The following SCRG1 variants were observed in gnomAD, a reference collection of about 807,000 sequenced individuals.
SCRG1 encodes the protein scrapie-responsive protein 1.
In SCRG1, 3 loss-of-function variants were observed where a neutral mutation model predicts 7.7. That is an observed-to-expected ratio of 0.39 (90% confidence interval 0.18 to 1.01). The LOEUF (loss-of-function observed/expected upper bound fraction) is 1.01. SCRG1 is among the 50% of genes least tolerant of loss of function. The probability of loss-of-function intolerance (pLI) is 0.36; values close to 1 mark genes in which losing one functional copy is unlikely to be tolerated. For synonymous variants in SCRG1, 46 were observed against 41.2 expected (o/e 1.12, Z -0.44); for missense variants, 110 against 117.2 (o/e 0.94, Z 0.28).
chr4:173,473,046 A>G, the SCRG1 span, among the ~76,000 whole-genome samples: 1 of 152,268 alleles, frequency 6.6e-6, no homozygotes, highest in Non-Finnish European at 1.5e-5. Context: ...TAGCCATTGC[A>G]ACATTATCTT....
chr4:173,447,531 G>A, the SCRG1 span, among the ~76,000 whole-genome samples: 3 of 152,290 alleles, frequency 2.0e-5, no homozygotes, highest in East Asian at 1.9e-4. Flanking sequence ...AAACAGGAAC[G>A]CAAAATTCAC....
chr4:173,427,184 C>T, the SCRG1 span, among the ~76,000 whole-genome samples: 1 of 152,184 alleles, frequency 6.6e-6, no homozygotes, highest in African/African-American at 2.4e-5. Flanking sequence ...AGCTGGGCTT[C>T]ACATGTTGAT....
chr4:173,478,741 G>T, the SCRG1 span, among the ~76,000 whole-genome samples: 9 of 152,182 alleles, frequency 5.9e-5, no homozygotes, highest in Non-Finnish European at 1.3e-4. Context: ...TACATTTCAA[G>T]ACCAATATTC....
the SCRG1 span, among the ~76,000 whole-genome samples, chr4:173,446,241 T>C: frequency 6.6e-6 from 1 of 152,176 alleles, no homozygotes; most frequent in African/African-American, 2.4e-5. Flanking sequence ...GTCAAAACCA[T>C]TTTTGTAATA....
chr4:173,514,862 A>G, the SCRG1 span, among the ~76,000 whole-genome samples: 8 of 152,212 alleles, frequency 5.3e-5, no homozygotes, highest in Non-Finnish European at 1.0e-4. Flanking sequence ...GCAAAATAAG[A>G]GACTTAACTG....
chr4:173,402,377 T>C (rs371866138), upstream of SCRG1, among the ~76,000 whole-genome samples: 4 of 152,160 alleles, frequency 2.6e-5, no homozygotes, highest in South Asian at 8.3e-4. Context: ...TAGAGAAACA[T>C]TTTATACAGA....
At chr4:173,483,424 G>GATATATATTATATATTATATCATC in the SCRG1 span, among the ~76,000 whole-genome samples, 2 of 41,120 alleles carry the variant, frequency 4.9e-5, no homozygotes, top group South Asian at 1.5e-3. Flanking sequence ...ATTATATCAT[G>GATATATATTATATATTATATCATC]ATATAGTATA....
At chr4:173,483,272 TATATAATATATG>T in the SCRG1 span, among the ~76,000 whole-genome samples, 1,112 of 30,060 alleles carry the variant, frequency 0.037, 52 homozygotes, top group African/African-American at 0.066. Context: ...TCATATATGA[TATATAATATATG>T]ATATATCATA....
chr4:173,412,939 A>T, the SCRG1 span, among the ~76,000 whole-genome samples: 8 of 152,156 alleles, frequency 5.3e-5, no homozygotes, highest in African/African-American at 1.9e-4. Flanking sequence ...GGAAATACTC[A>T]ATTTCCCCCA....
At chr4:173,391,056 T>C in intron 2 of SCRG1, 117 bp downstream of exon 2, 1 of 1,025,234 alleles carries the variant, frequency 9.8e-7, no homozygotes. Context: ...GAGCTGGGAT[T>C]GGAACAGGAT....
chr4:173,448,666 A>C, the SCRG1 span, among the ~76,000 whole-genome samples: 1 of 152,204 alleles, frequency 6.6e-6, no homozygotes, highest in African/African-American at 2.4e-5. Flanking sequence ...TGATGATGTC[A>C]TCCATGTCCT....
chr4:173,508,905 C>G, the SCRG1 span, among the ~76,000 whole-genome samples: 1 of 152,220 alleles, frequency 6.6e-6, no homozygotes, highest in Non-Finnish European at 1.5e-5. The surrounding 1 kb of genome is among the most constrained non-coding windows in gnomAD (Gnocchi z 4.4). Flanking sequence ...GTTTAGAAAG[C>G]TTGTCCCTGC....
At chr4:173,416,905 CACCCAA>C in the SCRG1 span, among the ~76,000 whole-genome samples, 52 of 114,922 alleles carry the variant, frequency 4.5e-4, no homozygotes, top group Non-Finnish European at 7.8e-4. Flanking sequence ...ATCACACACA[CACCCAA>C]ACACACACAC....
the SCRG1 span, among the ~76,000 whole-genome samples, chr4:173,493,591 C>G: frequency 6.9e-6 from 1 of 144,534 alleles, no homozygotes; most frequent in Non-Finnish European, 1.5e-5. Context: ...GTTCTCCAGT[C>G]TGGTGACAGA....
chr4:173,506,243 CCCTACAG>C, the SCRG1 span, among the ~76,000 whole-genome samples: 1 of 152,140 alleles, frequency 6.6e-6, no homozygotes, highest in Non-Finnish European at 1.5e-5. The surrounding 1 kb of genome is among the most constrained non-coding windows in gnomAD (Gnocchi z 5.3). Flanking sequence ...GGGACGTAGG[CCCTACAG>C]CTTAAAATAG....
chr4:173,519,066 A>G, the SCRG1 span, among the ~76,000 whole-genome samples: 1 of 151,896 alleles, frequency 6.6e-6, no homozygotes, highest in Non-Finnish European at 1.5e-5. Flanking sequence ...CGCCACGTCT[A>G]CGCTATTAGC....
At chr4:173,511,275 G>A in the SCRG1 span, among the ~76,000 whole-genome samples, 1 of 152,140 alleles carries the variant, frequency 6.6e-6, no homozygotes, top group Non-Finnish European at 1.5e-5. The surrounding 1 kb of genome is among the most constrained non-coding windows in gnomAD (Gnocchi z 5.2). Context: ...ACCGCGCGCC[G>A]GGTGGAAAAC....
the SCRG1 span, among the ~76,000 whole-genome samples, chr4:173,496,515 C>T: frequency 1.3e-5 from 2 of 152,126 alleles, no homozygotes; most frequent in East Asian, 3.9e-4. Context: ...CTAAATACAT[C>T]TATGTGGAAA....
chr4:173,490,201 G>A, the SCRG1 span, among the ~76,000 whole-genome samples: 10 of 152,164 alleles, frequency 6.6e-5, no homozygotes, highest in Non-Finnish European at 1.5e-4. Flanking sequence ...ATTCCAGGCT[G>A]CAGGACATGA....
Sources: allele counts gnomAD v4.1 joint callset (sites outside exome capture counted in the v4.1 genomes callset), GRCh38; gene constraint gnomAD v4.1.1; non-coding constraint Gnocchi (gnomAD v3.1); transcripts MANE v1.5; gene names NCBI Gene and HGNC (gene_info 2026-07-23, HGNC 2026-07-21).